Variants in PDZRN4 observed in about 807,000 individuals in gnomAD.
PDZRN4 encodes the protein PDZ domain-containing RING finger protein 4.
A neutral mutation model predicts 99.0 loss-of-function variants in PDZRN4; 70 were observed. The ratio of observed to expected loss-of-function variants is 0.71; its 90% CI spans 0.58 to 0.86. The LOEUF is 0.86. PDZRN4 is among the 40% of genes least tolerant of loss of function. The pLI, the probability that PDZRN4 is intolerant of heterozygous loss-of-function variation, is 0.00. For missense variants in PDZRN4, 1,474 were observed against 1,331.2 expected (o/e 1.11, Z -1.67); for synonymous variants, 551 against 501.6 (o/e 1.10, Z -1.32).
At chr12:41,516,893 T>C (rs1938409623) in intron 5 of PDZRN4, among the ~76,000 whole-genome samples, 1 of 151,982 alleles carries the variant, frequency 6.6e-6, no homozygotes, top group Non-Finnish European at 1.5e-5. Context: ...AATCCTAACA[T>C]TCCAAGCAGA....
At chr12:41,392,840 G>T (rs2121123737) in intron 3 of PDZRN4, among the ~76,000 whole-genome samples, 1 of 152,292 alleles carries the variant, frequency 6.6e-6, no homozygotes, top group African/African-American at 2.4e-5. Context: ...ACAAGGCAAA[G>T]TAGCCCAGAT....
intron 3 of PDZRN4, among the ~76,000 whole-genome samples, chr12:41,231,382 A>G (rs1951028991): frequency 6.6e-6 from 1 of 152,120 alleles, no homozygotes; most frequent in African/African-American, 2.4e-5. Context: ...AACATCATTC[A>G]TTGCAGAAAG....
intron 3 of PDZRN4, among the ~76,000 whole-genome samples, chr12:41,351,602 T>C (rs1951890984): frequency 6.6e-6 from 1 of 151,864 alleles, no homozygotes; most frequent in Non-Finnish European, 1.5e-5. Flanking sequence ...GGGGAGGTGC[T>C]ACACACTTTC....
At chr12:41,365,233 G>A (rs1369517628) in intron 3 of PDZRN4, among the ~76,000 whole-genome samples, 1 of 152,092 alleles carries the variant, frequency 6.6e-6, no homozygotes, top group East Asian at 1.9e-4. Context: ...ATATGTGAAT[G>A]AAGCCCATAG....
chr12:41,465,468 A>G (rs2608714), intron 3 of PDZRN4, among the ~76,000 whole-genome samples: 8 of 151,896 alleles, frequency 5.3e-5, no homozygotes, highest in Admixed American at 5.2e-4. Flanking sequence ...AATTGGTTGG[A>G]CAAAGAAAAG....
At chr12:41,250,039 G>A (rs1392899259) in intron 3 of PDZRN4, among the ~76,000 whole-genome samples, 2 of 152,278 alleles carry the variant, frequency 1.3e-5, no homozygotes, top group Non-Finnish European at 1.5e-5. Context: ...TTGTAGATTT[G>A]TCTAGATGGT....
intron 3 of PDZRN4, among the ~76,000 whole-genome samples, chr12:41,494,133 G>A (rs1937946356): frequency 6.6e-6 from 1 of 151,920 alleles, no homozygotes; most frequent in South Asian, 2.1e-4. Context: ...TGGGGATCAG[G>A]CAGTCAATTC....
intron 3 of PDZRN4, among the ~76,000 whole-genome samples, chr12:41,494,769 T>C (rs534884430): frequency 1.4e-3 from 211 of 152,266 alleles, no homozygotes; most frequent in African/African-American, 4.7e-3. Flanking sequence ...TTGGCCTTTC[T>C]ACTGTGATTT....
At chr12:41,434,343 T>C (rs761942110) in intron 3 of PDZRN4, among the ~76,000 whole-genome samples, 1 of 152,152 alleles carries the variant, frequency 6.6e-6, no homozygotes, top group Non-Finnish European at 1.5e-5. Context: ...GGCCGTGTAA[T>C]TTTTCTGTCT....
intron 5 of PDZRN4, among the ~76,000 whole-genome samples, chr12:41,517,837 C>T (rs1938428634): frequency 6.6e-6 from 1 of 152,022 alleles, no homozygotes; most frequent in Non-Finnish European, 1.5e-5. Context: ...CATGGCCTCA[C>T]ACTGGTCTAT....
chr12:41,218,475 T>A lies in PDZRN4; in HGVS notation c.843+24287T>A, dbSNP rs548398304. On this transcript the variant is annotated intron_variant, in intron 3 of 9. Transcript: ENST00000402685. ...AGCAAATTTACTTCTGATTTGCATC[T>A]CATATTCTTGTGCTTTTGTTTCAAA... Among the ~76,000 whole-genome samples the A allele has an allele frequency of 7.9e-5, 12 of 152,112 alleles. No individual in the cohort carries two copies. The South Asian group carries it at 2.3e-3, about 29-fold the overall frequency.
chr12:41,534,492 G>A (rs1028425755), intron 5 of PDZRN4, among the ~76,000 whole-genome samples: 1 of 151,798 alleles, frequency 6.6e-6, no homozygotes, highest in South Asian at 2.1e-4. Context: ...TCCCCTCCCT[G>A]TGTCCATGTG....
chr12:41,554,359 A>G (rs887101053), intron 6 of PDZRN4, among the ~76,000 whole-genome samples: 1 of 152,162 alleles, frequency 6.6e-6, no homozygotes, highest in Non-Finnish European at 1.5e-5. Context: ...TTGGAGCTGC[A>G]CTTTTCAGGG....
intron 3 of PDZRN4, among the ~76,000 whole-genome samples, chr12:41,388,024 A>G (rs1183823663): frequency 2.6e-5 from 4 of 152,178 alleles, no homozygotes; most frequent in African/African-American, 9.7e-5. Flanking sequence ...AACAAACTTA[A>G]TTGCCTATCC....
chr12:41,490,660 A>T (rs896638793), intron 3 of PDZRN4, among the ~76,000 whole-genome samples: 2 of 152,134 alleles, frequency 1.3e-5, no homozygotes, highest in African/African-American at 4.8e-5. Context: ...AGTTCCTCAG[A>T]GTCCCAAGAC....
chr12:41,438,047 C>A (rs750666061), intron 3 of PDZRN4: 1 of 1,608,282 alleles, frequency 6.2e-7, no homozygotes, highest in Non-Finnish European at 8.5e-7. Context: ...CAACTAAGAG[C>A]CAGGCTTTGT....
chr12:41,496,562 G>A (rs1938008310), intron 3 of PDZRN4, among the ~76,000 whole-genome samples: 1 of 152,050 alleles, frequency 6.6e-6, no homozygotes, highest in African/African-American at 2.4e-5. Flanking sequence ...ATGAATGACA[G>A]GGCATTGAGG....
At chr12:41,350,744 A>G (rs1217414543) in intron 3 of PDZRN4, among the ~76,000 whole-genome samples, 1 of 152,132 alleles carries the variant, frequency 6.6e-6, no homozygotes, top group Non-Finnish European at 1.5e-5. Context: ...AGTTACATAC[A>G]TGTTTTGAAT....
chr12:41,543,633 T>G (rs1238829432), intron 5 of PDZRN4, among the ~76,000 whole-genome samples: 1 of 152,192 alleles, frequency 6.6e-6, no homozygotes, highest in East Asian at 1.9e-4. Flanking sequence ...AATTTCAATC[T>G]TTCTCCATCT....
Sources: gnomAD v4.1 joint callset for allele counts (sites outside exome capture counted in the v4.1 genomes callset) on GRCh38, gnomAD v4.1.1 for gene constraint, MANE v1.5 for transcripts, NCBI Gene and HGNC (gene_info 2026-07-23, HGNC 2026-07-21) for gene names.